The following SCN1A variants were observed in gnomAD, a reference collection of about 807,000 sequenced individuals.
SCN1A encodes the protein sodium voltage-gated channel alpha subunit 1.
SCN1A carries 13 observed loss-of-function variants against 193.7 expected under a neutral mutation model. That is an observed-to-expected ratio of 0.07 (90% CI 0.04 to 0.11). SCN1A has a LOEUF of 0.11. SCN1A is among the 10% of genes least tolerant of loss of function. The pLI is 1.00. For missense variants in SCN1A, 1,432 were observed against 2,451.1 expected (o/e 0.58, Z 8.78); for synonymous variants, 781 against 843.6 (o/e 0.93, Z 1.29).
chr2:166,003,449 A>G (rs990131721), intron 23 of SCN1A, among the ~76,000 whole-genome samples: 1 of 151,708 alleles, frequency 6.6e-6, no homozygotes, highest in Non-Finnish European at 1.5e-5. Context: ...TAGGAAAATA[A>G]GAAAAAGAGG....
At chr2:166,036,566 C>G (rs758531525) in intron 18 of SCN1A, 36 bp from the exon 19 acceptor site, 16 of 1,601,724 alleles carry the variant, frequency 1.0e-5, no homozygotes, top group Non-Finnish European at 1.4e-5. Context: ...TAATTTTACA[C>G]CAATGTAGGG....
intron 19 of SCN1A, chr2:166,027,047 C>T (rs1366431579): frequency 6.6e-6 from 1 of 152,122 alleles, no homozygotes; most frequent in Non-Finnish European, 1.5e-5. Flanking sequence ...TGTATATTTT[C>T]ACACATGAAT....
At chr2:166,066,206 C>T (rs949324058) in intron 4 of SCN1A, among the ~76,000 whole-genome samples, 4 of 152,072 alleles carry the variant, frequency 2.6e-5, no homozygotes, top group African/African-American at 9.7e-5. Flanking sequence ...GAAATTATAA[C>T]AACAAGGAAA....
chr2:166,047,603 A>G, intron 11 of SCN1A, 24 bp downstream of exon 11: 2 of 1,612,366 alleles, frequency 1.2e-6, no homozygotes, highest in Non-Finnish European at 1.7e-6. Flanking sequence ...ACTTAAATGG[A>G]GAGTGTGGCT....
At position 166,145,284 on chromosome 2, in the gene SCN1A, G is replaced by A. The variant is rs190726710; in HGVS notation, c.-50+3763C>T. Among the ~76,000 whole-genome samples the A allele has an allele frequency of 7.5e-3, 1,130 of 150,958 alleles. 22 individuals are homozygous for A. The highest frequency in any genetic ancestry group is 0.025 in the African/African-American group (1,042 of 41,118). ...GATCTCCTGACCTCGTGATCTGCCC[G>A]CTTCGGCCTCCCCAAGTGCTGGGAT... On this transcript the variant is annotated intron_variant, in intron 1 of 26. Coordinates refer to the SCN1A transcript ENST00000635750.
intron 2 of SCN1A, among the ~76,000 whole-genome samples, chr2:166,125,500 C>T (rs1358720902): frequency 1.3e-5 from 2 of 152,166 alleles, no homozygotes; most frequent in African/African-American, 4.8e-5. Flanking sequence ...CTAGAGGTAA[C>T]ACCAAGCAAG....
Position 166,036,069 on chromosome 2 carries a change from C to T in SCN1A, c.3408G>A (p.Ser1136=), listed in dbSNP as rs181995339. The T allele has an allele frequency of 2.6e-5, 42 of 1,613,748 alleles. No individual in the cohort carries two copies. The highest frequency in any genetic ancestry group is 1.7e-4 in the Middle Eastern group (1 of 6,056). ...TTACCTCTTTGCTTTCTTCCAGATC[C>T]GATTCACTACTAAAGTCTTCCGTGT... ...NLNTEDFSSE[S]DLEESKEKLN... is the part of the protein sequence containing the mutation. Residue 1136 remains serine, a synonymous_variant, in exon 19 of 29, where the codon TCG becomes TCA. Coordinates refer to ENST00000674923, the MANE Select transcript of SCN1A (RefSeq NM_001165963.4).
intron 19 of SCN1A, among the ~76,000 whole-genome samples, chr2:166,026,844 C>T (rs544542077): frequency 6.6e-6 from 1 of 151,616 alleles, no homozygotes; most frequent in Non-Finnish European, 1.5e-5. Context: ...CCACTGCACC[C>T]GGCTAATTTT....
chr2:166,026,335 GA>G (rs1438657946), intron 19 of SCN1A, among the ~76,000 whole-genome samples: 1 of 152,060 alleles, frequency 6.6e-6, no homozygotes, highest in Non-Finnish European at 1.5e-5. Context: ...GATAAAAGAT[GA>G]AGTGGTCCAA....
chr2:165,999,095 A>G (rs1028796627), intron 25 of SCN1A: 4 of 151,534 alleles, frequency 2.6e-5, no homozygotes, highest in African/African-American at 9.7e-5. Context: ...ATTTCAGTTT[A>G]GGTCTTGGAG....
chr2:166,054,348 T>C (rs1235836760), intron 7 of SCN1A, among the ~76,000 whole-genome samples: 1 of 125,304 alleles, frequency 8.0e-6, no homozygotes, highest in Admixed American at 8.2e-5. Context: ...CATTAGATTG[T>C]GTGTGTTCAT....
chr2:165,996,279 G>T, intron 26 of SCN1A, 162 bp from the exon 27 acceptor site: 1 of 489,268 alleles, frequency 2.0e-6, no homozygotes, highest in Non-Finnish European at 3.6e-6. Context: ...TACTCTTTAG[G>T]TATGATAATA....
At chr2:166,044,475 T>C (rs77074501) in intron 13 of SCN1A, among the ~76,000 whole-genome samples, 241 of 152,286 alleles carry the variant, frequency 1.6e-3, no homozygotes, top group African/African-American at 5.3e-3. Flanking sequence ...CTCCTCACAA[T>C]TTACTTTAGT....
At chr2:166,072,841 T>C (rs985594707) in intron 4 of SCN1A, among the ~76,000 whole-genome samples, 76 of 125,042 alleles carry the variant, frequency 6.1e-4, no homozygotes, top group Non-Finnish European at 7.9e-4. Flanking sequence ...TTCTTTCTTT[T>C]TTTTTTTTTT....
At chr2:166,076,497 C>A (rs940221737) in intron 3 of SCN1A, among the ~76,000 whole-genome samples, 6 of 150,684 alleles carry the variant, frequency 4.0e-5, no homozygotes, top group African/African-American at 1.5e-4. Flanking sequence ...AATTTAATTT[C>A]TGTCAAAATC....
chr2:166,034,845 T>C (rs112493412), intron 19 of SCN1A, among the ~76,000 whole-genome samples: 4 of 152,160 alleles, frequency 2.6e-5, no homozygotes, highest in African/African-American at 7.2e-5. Flanking sequence ...TCCATGTACA[T>C]GCATTGAGGA....
At chr2:166,120,204 TTA>T (rs1690381330) in intron 2 of SCN1A, among the ~76,000 whole-genome samples, 2 of 151,696 alleles carry the variant, frequency 1.3e-5, no homozygotes. Flanking sequence ...TTTATGTACT[TTA>T]TGTTCCTTTT....
At chr2:166,066,959 C>T (rs981919463) in intron 4 of SCN1A, among the ~76,000 whole-genome samples, 4 of 152,170 alleles carry the variant, frequency 2.6e-5, no homozygotes, top group Non-Finnish European at 5.9e-5. Context: ...ACCTTATTCT[C>T]TTCTTACCTA....
At chr2:166,039,009 C>T (rs1696806054) in intron 17 of SCN1A, among the ~76,000 whole-genome samples, 1 of 152,128 alleles carries the variant, frequency 6.6e-6, no homozygotes, top group Non-Finnish European at 1.5e-5. Context: ...TGCATATTTT[C>T]CAGAGACAGA....
Sources: allele counts gnomAD v4.1 joint callset (sites outside exome capture counted in the v4.1 genomes callset), GRCh38; gene constraint gnomAD v4.1.1; transcripts MANE v1.5; gene names NCBI Gene and HGNC (gene_info 2026-07-23, HGNC 2026-07-21).